DLGAP1: variants seen among roughly 807,000 people sequenced by gnomAD.
The protein encoded by DLGAP1 is disks large-associated protein 1.
A neutral mutation model predicts 90.8 loss-of-function variants in DLGAP1; 11 were observed. That is an observed-to-expected ratio of 0.12 (90% CI 0.08 to 0.20). DLGAP1 has a LOEUF of 0.20. Ranked by LOEUF, DLGAP1 falls within the 10% of genes least tolerant of loss-of-function variation. The pLI is 1.00. For missense variants in DLGAP1, 1,050 were observed against 1,333.8 expected (o/e 0.79, Z 3.31); for synonymous variants, 558 against 540.7 (o/e 1.03, Z -0.44).
At chr18:3,669,747 C>T (rs1288657080) in intron 7 of DLGAP1, among the ~76,000 whole-genome samples, 1 of 152,206 alleles carries the variant, frequency 6.6e-6, no homozygotes, top group Non-Finnish European at 1.5e-5. Context: ...CACTCATTAT[C>T]CAAGCCCCCA....
chr18:4,377,889 T>C (rs2144281345), intron 1 of DLGAP1, among the ~76,000 whole-genome samples: 1 of 152,016 alleles, frequency 6.6e-6, no homozygotes, highest in Non-Finnish European at 1.5e-5. Flanking sequence ...CATTTATAAG[T>C]ATAATCATAT....
chr18:3,963,583 GTTTTT>G (rs35099419), intron 3 of DLGAP1, among the ~76,000 whole-genome samples: 2 of 117,578 alleles, frequency 1.7e-5, no homozygotes, highest in Non-Finnish European at 3.5e-5. Context: ...ACTTTGGGCT[GTTTTT>G]TTTTTTTTTT....
intron 1 of DLGAP1, among the ~76,000 whole-genome samples, chr18:4,155,067 G>T (rs575204203): frequency 6.6e-6 from 1 of 152,194 alleles, no homozygotes; most frequent in East Asian, 1.9e-4. Context: ...GAGGAGAAGG[G>T]ATTCCACCAA....
intron 9 of DLGAP1, among the ~76,000 whole-genome samples, chr18:3,541,406 A>G (rs1451923145): frequency 6.6e-6 from 1 of 152,220 alleles, no homozygotes; most frequent in Non-Finnish European, 1.5e-5. Flanking sequence ...GGTGTACAGT[A>G]AGGAACTATT....
At chr18:4,245,856 G>A (rs2078642909) in intron 1 of DLGAP1, among the ~76,000 whole-genome samples, 1 of 151,928 alleles carries the variant, frequency 6.6e-6, no homozygotes, top group South Asian at 2.1e-4. Flanking sequence ...CCAAGGGCTT[G>A]GGGACAGGGC....
intron 2 of DLGAP1, among the ~76,000 whole-genome samples, chr18:4,043,699 T>C (rs1487169712): frequency 6.6e-6 from 1 of 152,206 alleles, no homozygotes; most frequent in Non-Finnish European, 1.5e-5. Context: ...AGTTCCGATT[T>C]AGAATATCCA....
chr18:3,537,085 T>C (rs141231562), intron 9 of DLGAP1, among the ~76,000 whole-genome samples: 1 of 152,320 alleles, frequency 6.6e-6, no homozygotes, highest in East Asian at 1.9e-4. Context: ...TTTTTTATTA[T>C]GATAAAATAT....
chr18:3,832,819 TTGTGGG>T (rs1273322288), intron 4 of DLGAP1, among the ~76,000 whole-genome samples: 3 of 152,108 alleles, frequency 2.0e-5, no homozygotes, highest in East Asian at 3.9e-4. Flanking sequence ...AAGAAGGCCC[TTGTGGG>T]GGATGCAGGG....
At chr18:4,447,330 A>T (rs1398432194) in intron 1 of DLGAP1, among the ~76,000 whole-genome samples, 1 of 152,234 alleles carries the variant, frequency 6.6e-6, no homozygotes, top group African/African-American at 2.4e-5. Context: ...AATAAATCAG[A>T]TCTACATGTC....
At chr18:4,106,340 T>G (rs113689371) in intron 2 of DLGAP1, among the ~76,000 whole-genome samples, 6,960 of 152,192 alleles carry the variant, frequency 0.046, 386 homozygotes, top group African/African-American at 0.13. Flanking sequence ...ATCATTACGC[T>G]AGTATTTCAT....
chr18:4,125,778 C>T (rs1035314998), intron 2 of DLGAP1, among the ~76,000 whole-genome samples: 11 of 152,310 alleles, frequency 7.2e-5, no homozygotes, highest in Admixed American at 5.2e-4. Context: ...AAACTAGATA[C>T]ACCTGGACCT....
intron 4 of DLGAP1, among the ~76,000 whole-genome samples, chr18:3,838,582 T>A (rs112144320): frequency 3.3e-4 from 50 of 152,350 alleles, no homozygotes; most frequent in African/African-American, 1.2e-3. Context: ...GGTTGTGAAC[T>A]GCTTGTTGTG....
At chr18:4,349,750 TATTCTA>T (rs1418031836) in intron 1 of DLGAP1, among the ~76,000 whole-genome samples, 1 of 151,754 alleles carries the variant, frequency 6.6e-6, no homozygotes, top group Non-Finnish European at 1.5e-5. Flanking sequence ...TGAAAAAATG[TATTCTA>T]ATGAGTACTT....
chr18:4,289,722 T>C (rs1157852785), intron 1 of DLGAP1, among the ~76,000 whole-genome samples: 2 of 152,082 alleles, frequency 1.3e-5, no homozygotes, highest in Admixed American at 6.6e-5. Context: ...CTAATTTTAA[T>C]GTTTAAATTT....
At position 3,963,764 on chromosome 18, in the gene DLGAP1, G is replaced by C. The variant is rs902111841; in HGVS notation, c.-73+41352C>G. 2.0e-5 allele frequency among the ~76,000 whole-genome samples: 3 copies of C among 151,886 alleles called. No individual in the cohort carries two copies. In the East Asian group the frequency reaches 5.8e-4, roughly 29 times the overall value. On this transcript the variant is annotated intron_variant, in intron 3 of 12. Transcript: ENST00000315677. ...AGGTGTATCTTCTATGGGATCTCTA[G>C]TGTAAGCCCCTTCAGCTCACGTCCA...
chr18:3,630,837 G>A (rs372881074), intron 7 of DLGAP1, among the ~76,000 whole-genome samples: 1 of 152,174 alleles, frequency 6.6e-6, no homozygotes, highest in African/African-American at 2.4e-5. Flanking sequence ...TATCTTGGCT[G>A]TATGTGGCAC....
intron 4 of DLGAP1, among the ~76,000 whole-genome samples, chr18:3,829,046 T>A (rs1202629130): frequency 6.6e-6 from 1 of 152,224 alleles, no homozygotes; most frequent in East Asian, 1.9e-4. Flanking sequence ...TTTTCCACCA[T>A]GTAATTCTTA....
At chr18:3,883,220 G>T (rs1360930215) in intron 3 of DLGAP1, among the ~76,000 whole-genome samples, 1 of 152,160 alleles carries the variant, frequency 6.6e-6, no homozygotes, top group East Asian at 1.9e-4. Flanking sequence ...CTCCAACCTG[G>T]GTGACAGAGC....
chr18:4,024,052 A>G (rs528459411), intron 2 of DLGAP1, among the ~76,000 whole-genome samples: 1 of 152,262 alleles, frequency 6.6e-6, no homozygotes, highest in East Asian at 1.9e-4. Flanking sequence ...TAAATTTCCT[A>G]TTATTTCAAA....
Sources: gnomAD v4.1 joint callset for allele counts (sites outside exome capture counted in the v4.1 genomes callset) on GRCh38, gnomAD v4.1.1 for gene constraint, MANE v1.5 for transcripts, NCBI Gene and HGNC (gene_info 2026-07-23, HGNC 2026-07-21) for gene names.